RBM25: variants seen among roughly 807,000 people sequenced by gnomAD.
The protein encoded by RBM25 is RNA-binding protein 25.
In RBM25, 19 loss-of-function variants were observed where a neutral mutation model predicts 120.7. That is an observed-to-expected ratio of 0.16 (90% CI 0.11 to 0.23). RBM25 has a LOEUF of 0.23. Among genes scored for constraint, RBM25 ranks in the 10% least tolerant of loss-of-function variants. The probability of loss-of-function intolerance (pLI) is 1.00; values close to 1 mark genes in which losing one functional copy is unlikely to be tolerated. For synonymous variants in RBM25, 390 were observed against 326.7 expected (o/e 1.19, Z -2.09); for missense variants, 605 against 1,041.5 (o/e 0.58, Z 5.77).
intron 1 of RBM25, among the ~76,000 whole-genome samples, chr14:73,066,788 T>C (rs916928351): frequency 3.9e-5 from 6 of 152,182 alleles, no homozygotes; most frequent in African/African-American, 1.2e-4. Flanking sequence ...AAAGGAATTC[T>C]GAGGAAGTAG....
intron 18 of RBM25, among the ~76,000 whole-genome samples, chr14:73,115,905 A>G (rs929659538): frequency 2.0e-5 from 3 of 152,224 alleles, no homozygotes; most frequent in Non-Finnish European, 4.4e-5. Flanking sequence ...GGCAAGGTGC[A>G]TAGTATGACT....
rs1566583118 is a variant in RBM25 at position 73,071,695 on chromosome 14, A to T, written c.54A>T (p.Pro18=). 6.2e-7 allele frequency: 1 copy of T among 1,614,058 alleles called. No individual in the cohort carries two copies. ...CTCCCATGGGAATCCCAGCACTCCC[A>T]CCAGGGATCCCACCCCCGCAGTTTC... is the stretch of plus-strand genomic sequence containing the variant. ...NRPPMGIPAL[P]PGIPPPQFPG... is the part of the protein sequence containing the mutation. Residue 18 remains proline, a synonymous_variant, in exon 2 of 19, where the codon CCA becomes CCT. Transcript: ENST00000261973.
chr14:73,071,425 C>T (rs963886243), intron 1 of RBM25, among the ~76,000 whole-genome samples: 1 of 151,872 alleles, frequency 6.6e-6, no homozygotes, highest in Non-Finnish European at 1.5e-5. Context: ...TCCTGAACTT[C>T]GATCATGTAC....
At chr14:73,108,118 G>A (rs1197464853) in intron 13 of RBM25, among the ~76,000 whole-genome samples, 1 of 152,204 alleles carries the variant, frequency 6.6e-6, no homozygotes, top group East Asian at 1.9e-4. Context: ...TGCAGTGGGG[G>A]AGCCCATGAT....
rs1896518763 is a variant in RBM25 at position 73,120,373 on chromosome 14, T to G, written c.*568T>G. 1 of 148,352 alleles carries G rather than the reference T, an allele frequency of 6.7e-6. No individual in the cohort carries two copies. The highest frequency in any genetic ancestry group is 2.1e-4 in the South Asian group (1 of 4,838). 9.2% of individuals were successfully genotyped at this position (148,352 alleles called of 1,614,324 possible). The stretch of plus-strand genomic sequence containing the variant: ...TGTAAAAGTCTTTCTTTTCCCTAAT[T>G]TGCTTTGGTGGGGTCCTTAAAACAT... On this transcript the variant is annotated 3_prime_UTR_variant, in exon 19 of 19. Transcript: ENST00000261973.
intron 7 of RBM25, among the ~76,000 whole-genome samples, chr14:73,098,568 T>A (rs1895997013): frequency 6.6e-6 from 1 of 152,244 alleles, no homozygotes; most frequent in Non-Finnish European, 1.5e-5. Flanking sequence ...CAGTTTTCTT[T>A]GTGGCCAGAT....
At chr14:73,073,109 A>G (rs772708349) in intron 2 of RBM25, among the ~76,000 whole-genome samples, 2 of 152,058 alleles carry the variant, frequency 1.3e-5, no homozygotes, top group Non-Finnish European at 2.9e-5. Flanking sequence ...AAAACATTTT[A>G]TAAAGATGGG....
intron 5 of RBM25, among the ~76,000 whole-genome samples, chr14:73,087,223 T>C (rs1895707386): frequency 6.6e-6 from 1 of 152,212 alleles, no homozygotes; most frequent in African/African-American, 2.4e-5. Flanking sequence ...TGAGATTGAC[T>C]AGTTATAAAA....
chr14:73,119,642 C>T (rs1896505781), intron 18 of RBM25, 71 bp from the exon 19 acceptor site: 2 of 1,587,988 alleles, frequency 1.3e-6, no homozygotes, highest in South Asian at 1.2e-5. Context: ...CTTTTTTATA[C>T]TGGCCACTGT....
At chr14:73,071,774 C>T (rs377603188) in intron 2 of RBM25, 27 bp downstream of exon 2, 571 of 1,540,312 alleles carry the variant, frequency 3.7e-4, no homozygotes, top group Non-Finnish European at 4.9e-4. Flanking sequence ...TGTTTTTTGT[C>T]GTTAAACTTG....
intron 13 of RBM25, 59 bp from the exon 14 acceptor site, chr14:73,109,283 A>G: frequency 6.5e-7 from 1 of 1,548,552 alleles, no homozygotes; most frequent in South Asian, 1.2e-5. Flanking sequence ...TGGAGATGTC[A>G]TGTTTACTTC....
At chr14:73,079,106 G>A (rs1895495959) in intron 4 of RBM25, among the ~76,000 whole-genome samples, 2 of 149,434 alleles carry the variant, frequency 1.3e-5, no homozygotes, top group Admixed American at 6.7e-5. Context: ...ACATTGTTAA[G>A]TGAAATAATG....
At chr14:73,073,170 A>G (rs1333535792) in intron 2 of RBM25, among the ~76,000 whole-genome samples, 1 of 151,880 alleles carries the variant, frequency 6.6e-6, no homozygotes, top group African/African-American at 2.4e-5. Flanking sequence ...GTCAAGGTAT[A>G]CTCCTGCCTC....
At chr14:73,062,179 A>T (rs1475976355) in intron 1 of RBM25, among the ~76,000 whole-genome samples, 1 of 151,574 alleles carries the variant, frequency 6.6e-6, no homozygotes, top group Non-Finnish European at 1.5e-5. Context: ...CAAAAGTGGC[A>T]ATGTCAGAAA....
intron 1 of RBM25, among the ~76,000 whole-genome samples, chr14:73,066,841 G>A (rs1044146761): frequency 6.6e-6 from 1 of 152,116 alleles, no homozygotes; most frequent in Admixed American, 6.6e-5. Context: ...TTAAAGAAAT[G>A]TCTAGTAAAC....
intron 6 of RBM25, among the ~76,000 whole-genome samples, chr14:73,095,672 C>G (rs1440925791): frequency 6.6e-6 from 1 of 151,922 alleles, no homozygotes; most frequent in East Asian, 1.9e-4. Flanking sequence ...GAATACGTAT[C>G]CATTGGAGAC....
intron 10 of RBM25, 86 bp downstream of exon 10, chr14:73,103,564 A>G: frequency 2.0e-6 from 3 of 1,495,356 alleles, no homozygotes; most frequent in Non-Finnish European, 2.7e-6. Flanking sequence ...CATTCATGGA[A>G]TGAGAACTTT....
chr14:73,111,461 ATGG>A, intron 15 of RBM25, 64 bp from the exon 16 acceptor site: 1 of 1,461,174 alleles, frequency 6.8e-7, no homozygotes, highest in Non-Finnish European at 9.2e-7. Flanking sequence ...CTTTTGAGGG[ATGG>A]TGGGTTATAA....
At chr14:73,103,826 T>A (rs1896103884) in intron 10 of RBM25, among the ~76,000 whole-genome samples, 1 of 151,792 alleles carries the variant, frequency 6.6e-6, no homozygotes, top group Non-Finnish European at 1.5e-5. Context: ...AGTGCTGGGA[T>A]TATAAGCGTG....
Sources: allele counts gnomAD v4.1 joint callset (sites outside exome capture counted in the v4.1 genomes callset), GRCh38; gene constraint gnomAD v4.1.1; transcripts MANE v1.5; gene names NCBI Gene and HGNC (gene_info 2026-07-23, HGNC 2026-07-21).